Variants in NAALADL2 observed in about 807,000 individuals in gnomAD.
NAALADL2 encodes the protein N-acetylated alpha-linked acidic dipeptidase like 2.
Under a neutral mutation model 87.2 loss-of-function variants are expected in NAALADL2, and 76 were observed. The ratio of observed to expected loss-of-function variants is 0.87; its 90% CI spans 0.72 to 1.05. The LOEUF is 1.05. NAALADL2 is among the 50% of genes least tolerant of loss of function. The pLI is 0.00. For missense variants in NAALADL2, 1,089 were observed against 945.8 expected (o/e 1.15, Z -1.99); for synonymous variants, 354 against 331.0 (o/e 1.07, Z -0.75).
chr3:175,435,917 G>A (rs1378767392), intron 5 of NAALADL2, among the ~76,000 whole-genome samples: 1 of 146,922 alleles, frequency 6.8e-6, no homozygotes, highest in East Asian at 2.0e-4. Context: ...AGTTACATAT[G>A]TATACATGTG....
At chr3:174,951,158 T>G (rs776868820) in intron 1 of NAALADL2, among the ~76,000 whole-genome samples, 1 of 151,676 alleles carries the variant, frequency 6.6e-6, no homozygotes, top group Non-Finnish European at 1.5e-5. Context: ...CCTATTTTAG[T>G]TAGAAAGTAT....
rs184465772 is a variant in NAALADL2, at chr3:175,761,785, G to A, written c.2189+6367G>A. Among the ~76,000 whole-genome samples, 90 of 152,168 alleles carry A rather than the reference G, an allele frequency of 5.9e-4. No individual in the cohort carries two copies. The East Asian group carries it at 6.7e-3, about 11-fold the overall frequency. On this transcript the variant is annotated intron_variant, in intron 13 of 13. Coordinates refer to ENST00000454872, the MANE Select transcript of NAALADL2 (RefSeq NM_207015.3). ...GCATCTTTTCATATGCTTATTTGCCGTCTATATATTTTATTTGATGTGATA... is the reference window on the plus strand; with the variant it reads ...GCATCTTTTCATATGCTTATTTGCCATCTATATATTTTATTTGATGTGATA...
intron 4 of NAALADL2, among the ~76,000 whole-genome samples, chr3:175,308,258 G>A (rs1208040776): frequency 1.3e-5 from 2 of 152,156 alleles, no homozygotes; most frequent in Non-Finnish European, 2.9e-5. Context: ...TCTGTTTTGT[G>A]TCTTGTTTGC....
intron 1 of NAALADL2, among the ~76,000 whole-genome samples, chr3:175,074,071 T>TA (rs1450676782): frequency 6.6e-6 from 1 of 152,118 alleles, no homozygotes; most frequent in Non-Finnish European, 1.5e-5. Flanking sequence ...AGCTTTTTTT[T>TA]ACTGTTCTAC....
intron 5 of NAALADL2, among the ~76,000 whole-genome samples, chr3:175,369,220 T>A (rs1158935477): frequency 6.6e-6 from 1 of 152,152 alleles, no homozygotes; most frequent in African/African-American, 2.4e-5. Flanking sequence ...ACTGTATATA[T>A]ATGTAGCAAG....
At chr3:175,721,204 T>C (rs1016136328) in intron 11 of NAALADL2, among the ~76,000 whole-genome samples, 1 of 151,996 alleles carries the variant, frequency 6.6e-6, no homozygotes. Flanking sequence ...AGATTTAATG[T>C]GCCCAACCTA....
chr3:174,703,448 G>A (rs1207075388), intron 2 of NAALADL2, among the ~76,000 whole-genome samples: 3 of 152,020 alleles, frequency 2.0e-5, no homozygotes, highest in Non-Finnish European at 4.4e-5. Context: ...AAAATGCCGC[G>A]CCATTTGGAC....
At chr3:175,195,474 G>A (rs1319791950) in intron 2 of NAALADL2, among the ~76,000 whole-genome samples, 1 of 151,794 alleles carries the variant, frequency 6.6e-6, no homozygotes, top group African/African-American at 2.4e-5. Flanking sequence ...ATATGTAAAG[G>A]TAGATATATA....
chr3:175,227,911 C>T (rs564440417), intron 2 of NAALADL2, among the ~76,000 whole-genome samples: 13 of 151,918 alleles, frequency 8.6e-5, no homozygotes, highest in East Asian at 1.9e-4. Context: ...AAATTTTAAA[C>T]GGCATCAGAA....
intron 2 of NAALADL2, among the ~76,000 whole-genome samples, chr3:174,610,203 A>G (rs1011268254): frequency 6.8e-6 from 1 of 146,264 alleles, no homozygotes; most frequent in African/African-American, 2.5e-5. Flanking sequence ...CCTAAAAACC[A>G]TAAAAACCCT....
chr3:174,503,354 C>T (rs1045197438), intron 1 of NAALADL2, among the ~76,000 whole-genome samples: 1 of 152,046 alleles, frequency 6.6e-6, no homozygotes, highest in Non-Finnish European at 1.5e-5. Context: ...CATAACTTAA[C>T]CATTTATGTT....
At chr3:175,474,478 G>C (rs771170815) in intron 9 of NAALADL2, among the ~76,000 whole-genome samples, 4 of 152,106 alleles carry the variant, frequency 2.6e-5, no homozygotes, top group African/African-American at 9.7e-5. Flanking sequence ...ACAGTATCTG[G>C]TCTATCAGAC....
chr3:174,836,179 T>G (rs1420451250), intron 3 of NAALADL2, among the ~76,000 whole-genome samples: 1 of 152,176 alleles, frequency 6.6e-6, no homozygotes, highest in Non-Finnish European at 1.5e-5. Context: ...TTCTGAAACA[T>G]GCTGCAACAG....
At chr3:175,606,266 G>A (rs1277619300) in intron 10 of NAALADL2, among the ~76,000 whole-genome samples, 1 of 152,120 alleles carries the variant, frequency 6.6e-6, no homozygotes, top group Non-Finnish European at 1.5e-5. Flanking sequence ...CCAGTTTGAT[G>A]AGGGATACTT....
At chr3:174,476,113 CAG>C (rs1243385429) in intron 1 of NAALADL2, among the ~76,000 whole-genome samples, 1 of 151,892 alleles carries the variant, frequency 6.6e-6, no homozygotes, top group Non-Finnish European at 1.5e-5. Context: ...ATGAAATAAT[CAG>C]AGAATCAAAT....
chr3:175,759,923 C>CA (rs1747781130), intron 13 of NAALADL2, among the ~76,000 whole-genome samples: 1 of 151,898 alleles, frequency 6.6e-6, no homozygotes, highest in African/African-American at 2.4e-5. Flanking sequence ...TTCATGGACA[C>CA]AAAAAAGCCA....
chr3:174,648,350 A>C (rs1028391563), intron 2 of NAALADL2, among the ~76,000 whole-genome samples: 11 of 151,872 alleles, frequency 7.2e-5, no homozygotes, highest in African/African-American at 1.9e-4. Flanking sequence ...AAAAAAAAAA[A>C]AACAAACCTT....
At chr3:174,464,078 A>G (rs1291276355) in intron 1 of NAALADL2, among the ~76,000 whole-genome samples, 1 of 152,142 alleles carries the variant, frequency 6.6e-6, no homozygotes, top group Non-Finnish European at 1.5e-5. Flanking sequence ...GAAAATAAGG[A>G]ATTCCAGAAA....
intron 3 of NAALADL2, among the ~76,000 whole-genome samples, chr3:174,738,196 T>C (rs1488496674): frequency 6.6e-6 from 1 of 152,210 alleles, no homozygotes; most frequent in Non-Finnish European, 1.5e-5. Context: ...TGTTGACCTT[T>C]TGGAACACTT....
Sources: allele counts gnomAD v4.1 joint callset (sites outside exome capture counted in the v4.1 genomes callset), GRCh38; gene constraint gnomAD v4.1.1; transcripts MANE v1.5; gene names NCBI Gene and HGNC (gene_info 2026-07-23, HGNC 2026-07-21).